Variants in LAMA2 observed in about 807,000 individuals in gnomAD.
LAMA2 encodes the protein laminin subunit alpha 2, also known as laminin subunit alpha-2.
LAMA2 carries 269 observed loss-of-function variants against 364.8 expected under a neutral mutation model. The observed-to-expected ratio is 0.74, with a 90% confidence interval of 0.67 to 0.82. The LOEUF (loss-of-function observed/expected upper bound fraction) is 0.82. LAMA2 is among the 40% of genes least tolerant of loss of function. The pLI, the probability that LAMA2 is intolerant of heterozygous loss-of-function variation, is 0.00. For missense variants in LAMA2, 3,807 were observed against 3,873.2 expected, an observed-to-expected ratio of 0.98 and a Z score of 0.45; for synonymous variants, 1,379 against 1,370.6, an observed-to-expected ratio of 1.01 and a Z score of -0.14.
At chr6:129,370,553 A>C (rs1268178838) in intron 34 of LAMA2, among the ~76,000 whole-genome samples, 1 of 152,224 alleles carries the variant, frequency 6.6e-6, no homozygotes. Context: ...TGGTATTAAA[A>C]ACTTTTTGCA....
chr6:129,055,179 A>AT (rs1554207606), intron 2 of LAMA2, among the ~76,000 whole-genome samples: 2 of 120,762 alleles, frequency 1.7e-5, no homozygotes, highest in African/African-American at 3.6e-5. Flanking sequence ...ATTATTATTT[A>AT]TTATTATTAT....
intron 43 of LAMA2, among the ~76,000 whole-genome samples, chr6:129,441,672 C>T (rs1782121361): frequency 6.6e-6 from 1 of 151,644 alleles, no homozygotes; most frequent in East Asian, 1.9e-4. Context: ...TTTCCTTTTC[C>T]GTCAAATGAT....
In LAMA2 at chr6:128,932,245, C is replaced by T. The variant is rs536299936; in HGVS notation, c.112+48888C>T. ...TATTCTCACAAGTGGAGCTCTGGGT[C>T]ATTGACTGCACTTTTGCTAATAAGA... On this transcript the variant is annotated intron_variant, in intron 1 of 64. Transcript: ENST00000421865. 3.9e-5 allele frequency among the ~76,000 whole-genome samples: 6 copies of T among 152,336 alleles called. No individual in the cohort carries two copies. The East Asian group carries it at 1.2e-3, about 29-fold the overall frequency.
At chr6:129,373,092 G>A (rs1778179357) in intron 34 of LAMA2, among the ~76,000 whole-genome samples, 1 of 151,960 alleles carries the variant, frequency 6.6e-6, no homozygotes, top group Non-Finnish European at 1.5e-5. Context: ...GGCTTGTCTT[G>A]TTCTCTTGAG....
intron 55 of LAMA2, among the ~76,000 whole-genome samples, chr6:129,483,809 G>A (rs2114844379): frequency 6.6e-6 from 1 of 152,200 alleles, no homozygotes; most frequent in South Asian, 2.1e-4. Context: ...AAATACACAA[G>A]CATAGATGGA....
chr6:129,472,543 T>C (rs1458958349), intron 51 of LAMA2, among the ~76,000 whole-genome samples: 1 of 152,042 alleles, frequency 6.6e-6, no homozygotes, highest in South Asian at 2.1e-4. Context: ...TTTCCTTTTT[T>C]CCATCTATTT....
intron 33 of LAMA2, among the ~76,000 whole-genome samples, chr6:129,366,707 A>T (rs1410068579): frequency 6.6e-6 from 1 of 152,184 alleles, no homozygotes; most frequent in South Asian, 2.1e-4. Flanking sequence ...ATAAAATTCA[A>T]ATTAAAAACA....
At chr6:129,304,970 A>G (rs1029922317) in intron 22 of LAMA2, among the ~76,000 whole-genome samples, 68 of 152,230 alleles carry the variant, frequency 4.5e-4, no homozygotes, top group African/African-American at 1.5e-3. Context: ...ACTTCTATAT[A>G]GGTCAATTAT....
rs187414522 is a variant in LAMA2, at chr6:129,133,760, A to G, written c.640-10141A>G. Among the ~76,000 whole-genome samples, 284 of 152,294 alleles carry G rather than the reference A, an allele frequency of 1.9e-3. 1 individual carries two copies. The highest frequency in any genetic ancestry group is 6.4e-3 in the African/African-American group (268 of 41,564). ...AAATCAGTGGAGGCTGCTAGTAGCT[A>G]TCCTGAAATGCTGCTTCTATACATA... is the stretch of plus-strand genomic sequence containing the variant. On this transcript the variant is annotated intron_variant, in intron 4 of 64. Coordinates refer to ENST00000421865, the MANE Select transcript of LAMA2 (RefSeq NM_000426.4).
At chr6:128,950,969 A>C (rs1244631430) in intron 1 of LAMA2, among the ~76,000 whole-genome samples, 1 of 152,182 alleles carries the variant, frequency 6.6e-6, no homozygotes, top group Non-Finnish European at 1.5e-5. Flanking sequence ...GCCATGTAAA[A>C]ATATCATGTA....
intron 48 of LAMA2, among the ~76,000 whole-genome samples, chr6:129,459,502 C>T (rs1489956585): frequency 6.6e-6 from 1 of 152,020 alleles, no homozygotes; most frequent in African/African-American, 2.4e-5. Flanking sequence ...ACTCCAGGCC[C>T]TGTGCTGTGT....
Position 129,065,963 on chromosome 6 carries a change from T to C in LAMA2, c.396+6067T>C, listed in dbSNP as rs187772019. Among the ~76,000 whole-genome samples the C allele has an allele frequency of 1.0e-3, 153 of 151,482 alleles. 2 individuals carry two copies. In the East Asian group the frequency reaches 0.025, roughly 25 times the overall value. On this transcript the variant is annotated intron_variant, in intron 3 of 64. Coordinates refer to ENST00000421865, the MANE Select transcript of LAMA2 (RefSeq NM_000426.4). ...GACTCCTCCTTACCTTCCACCATGA[T>C]TGTGAGGCTTCCCCAGCCACATGGA...
intron 1 of LAMA2, among the ~76,000 whole-genome samples, chr6:128,935,227 C>A (rs573669951): frequency 6.5e-4 from 98 of 150,842 alleles, no homozygotes; most frequent in Admixed American, 1.7e-3. Context: ...CCACACCCCC[C>A]CCAACAGACC....
Position 129,149,014 on chromosome 6 carries a change from C to T in LAMA2, c.945C>T (p.Gly315=), listed in dbSNP as rs764217699. ...GTGAGTGTGAGCATAACACATGTGGCGATAGCTGTGATCAGTGCTGTCCAG... is the reference window on the plus strand; with the variant it reads ...GTGAGTGTGAGCATAACACATGTGGTGATAGCTGTGATCAGTGCTGTCCAG... ...SRCECEHNTC[G]DSCDQCCPGF... is the part of the protein sequence containing the mutation. Residue 315 remains glycine, a synonymous_variant, in exon 7 of 65, where the codon GGC becomes GGT. Transcript: ENST00000421865. The T allele has an allele frequency of 5.3e-5, 85 of 1,613,208 alleles. No homozygotes were observed. The highest frequency in any genetic ancestry group is 6.2e-5 in the Non-Finnish European group (73 of 1,179,406).
chr6:129,387,107 A>T (rs1583630384), intron 35 of LAMA2, among the ~76,000 whole-genome samples: 1 of 150,476 alleles, frequency 6.6e-6, no homozygotes, highest in Middle Eastern at 3.5e-3. Flanking sequence ...TAGAAACTTT[A>T]TGGGGTATGT....
intron 34 of LAMA2, 108 bp downstream of exon 34, chr6:129,370,098 T>G: frequency 1.1e-6 from 1 of 879,490 alleles, no homozygotes; most frequent in Non-Finnish European, 1.9e-6. Flanking sequence ...AATTCCCAAT[T>G]TGGTATATAA....
At chr6:128,978,538 G>A (rs538249215) in intron 1 of LAMA2, among the ~76,000 whole-genome samples, 1 of 151,994 alleles carries the variant, frequency 6.6e-6, no homozygotes, top group East Asian at 1.9e-4. Context: ...GACTGGTCTT[G>A]AACTCTTGAC....
In LAMA2 at chr6:129,149,032, C is replaced by T. The variant is rs1778644909; in HGVS notation, c.963C>T (p.Cys321=). ...CATGTGGCGATAGCTGTGATCAGTG[C>T]TGTCCAGGATTCCATCAGAAACCCT... ...HNTCGDSCDQ[C]CPGFHQKPWR... is the part of the protein sequence containing the mutation. Residue 321 remains cysteine (C), a synonymous_variant, in exon 7 of 65, where the codon TGC becomes TGT. Transcript: ENST00000421865. The T allele has an allele frequency of 2.5e-6, 4 of 1,613,522 alleles. No homozygotes were observed. Among genetic ancestry groups the T allele is most frequent in the South Asian group, 2.2e-5 (2 of 91,066 alleles).
chr6:129,153,604 G>A (rs1022764302), intron 7 of LAMA2, among the ~76,000 whole-genome samples: 2 of 152,058 alleles, frequency 1.3e-5, no homozygotes, highest in East Asian at 1.9e-4. Context: ...TCTTTTACAC[G>A]TTATTTCACT....
Sources: gnomAD v4.1 joint callset for allele counts (sites outside exome capture counted in the v4.1 genomes callset) on GRCh38, gnomAD v4.1.1 for gene constraint, MANE v1.5 for transcripts, NCBI Gene and HGNC (gene_info 2026-07-23, HGNC 2026-07-21) for gene names.